Variants in STAU2 observed in about 807,000 individuals in gnomAD.
The protein encoded by STAU2 is staufen double-stranded RNA binding protein 2.
Under a neutral mutation model 65.9 loss-of-function variants are expected in STAU2, and 20 were observed. The ratio of observed to expected loss-of-function variants is 0.30; its 90% CI spans 0.21 to 0.44. The LOEUF is 0.44. Ranked by LOEUF, STAU2 falls within the 20% of genes least tolerant of loss-of-function variation. STAU2 has a pLI of 1.00. For missense variants in STAU2, 558 were observed against 683.9 expected (o/e 0.82, Z 2.05); for synonymous variants, 232 against 233.9 (o/e 0.99, Z 0.07).
intron 13 of STAU2, chr8:73,527,898 C>A: frequency 4.0e-5 from 2 of 50,490 alleles, no homozygotes; most frequent in Non-Finnish European, 6.6e-5. Flanking sequence ...TTTCACAGAA[C>A]ACACTTTAAA....
intron 3 of STAU2, chr8:73,727,766 T>C (rs1187409995): frequency 6.6e-6 from 1 of 152,224 alleles, no homozygotes; most frequent in East Asian, 1.9e-4. Context: ...GACAAGTCTA[T>C]GTGTTCCTTT....
intron 12 of STAU2, among the ~76,000 whole-genome samples, chr8:73,568,668 C>G (rs1163052600): frequency 6.6e-6 from 1 of 151,920 alleles, no homozygotes. Context: ...CAGAGGAGAA[C>G]AGAAAGTCTG....
At chr8:73,440,887 G>C (rs1255780231) in intron 13 of STAU2, 1 of 152,194 alleles carries the variant, frequency 6.6e-6, no homozygotes, top group Non-Finnish European at 1.5e-5. Context: ...CCCAGCCCAC[G>C]GATCATCGCC....
chr8:73,575,005 TAA>T (rs1809420242), intron 12 of STAU2, among the ~76,000 whole-genome samples: 3 of 150,968 alleles, frequency 2.0e-5, no homozygotes, highest in Non-Finnish European at 4.4e-5. Context: ...ACACATGCTA[TAA>T]AAGAAAAGAC....
At chr8:73,591,395 C>T (rs1326896600) in intron 11 of STAU2, among the ~76,000 whole-genome samples, 1 of 151,986 alleles carries the variant, frequency 6.6e-6, no homozygotes, top group Non-Finnish European at 1.5e-5. Context: ...TCAGTAAGTG[C>T]AAATGGTCTA....
rs535573971 is a variant in STAU2 at position 73,688,867 on chromosome 8, A to C, written c.115-54T>G. 5.5e-5 allele frequency: 87 copies of C among 1,582,564 alleles called. 3 individuals carry two copies. In the South Asian group the frequency reaches 8.9e-4, roughly 16 times the overall value. On this transcript the variant is annotated intron_variant, in intron 4 of 14. Transcript: ENST00000524300. ...ACATTAAGACTTTTCCAAGAAATAAAATTGGCTGTCTGAGAGAAAAATAAA... is the reference window on the plus strand; with the variant it reads ...ACATTAAGACTTTTCCAAGAAATAACATTGGCTGTCTGAGAGAAAAATAAA...
intron 13 of STAU2, among the ~76,000 whole-genome samples, chr8:73,535,037 A>AT (rs974822158): frequency 1.3e-5 from 2 of 152,218 alleles, no homozygotes; most frequent in South Asian, 2.1e-4. Flanking sequence ...ATGTATAAAG[A>AT]TTTTTTTGTG....
chr8:73,470,634 C>CA (rs35554370), intron 13 of STAU2, among the ~76,000 whole-genome samples: 1 of 143,542 alleles, frequency 7.0e-6, no homozygotes, highest in Non-Finnish European at 1.6e-5. Context: ...CCTGTCTCTA[C>CA]AAAAAAAATT....
chr8:73,681,175 A>G (rs1051123667), intron 5 of STAU2, among the ~76,000 whole-genome samples: 1 of 152,126 alleles, frequency 6.6e-6, no homozygotes, highest in African/African-American at 2.4e-5. Flanking sequence ...CAGGTTATCT[A>G]AAGTCAAGTC....
At chr8:73,542,983 G>T (rs1013933510) in intron 13 of STAU2, among the ~76,000 whole-genome samples, 1 of 152,154 alleles carries the variant, frequency 6.6e-6, no homozygotes, top group East Asian at 1.9e-4. Flanking sequence ...GTAAATCAAT[G>T]TTCATAAACA....
At chr8:73,622,605 ATCT>A (rs935856493) in intron 6 of STAU2, among the ~76,000 whole-genome samples, 1 of 152,178 alleles carries the variant, frequency 6.6e-6, no homozygotes, top group African/African-American at 2.4e-5. Flanking sequence ...AATCTGCTTT[ATCT>A]TCTTCCATTT....
intron 6 of STAU2, among the ~76,000 whole-genome samples, chr8:73,655,128 T>C (rs1235808692): frequency 4.6e-5 from 7 of 152,256 alleles, no homozygotes. Context: ...CAAACTTGAA[T>C]GCTTGTACCC....
chr8:73,682,070 T>C (rs1818470034), intron 5 of STAU2, among the ~76,000 whole-genome samples: 1 of 152,096 alleles, frequency 6.6e-6, no homozygotes, highest in Non-Finnish European at 1.5e-5. Context: ...GACAGGTCGT[T>C]AAGACAGAAA....
Position 73,709,024 on chromosome 8 carries a change from A to T in STAU2, c.114+8T>A. 6.6e-7 allele frequency: 1 copy of T among 1,515,510 alleles called. No homozygotes were observed. The highest frequency in any genetic ancestry group is 8.8e-7 in the Non-Finnish European group (1 of 1,137,820). The allele number at this position is 1,515,510 out of a possible 1,614,324, so 93.9% of individuals were successfully genotyped here. A position where few individuals can be genotyped will look rare whatever the true frequency, so the allele number is the denominator to read the frequency against. ...AGTATGTCTCACCACCTCTCTTCATAACCTTACCTTTGAATGAGCAGGCCC... is the reference window on the plus strand; with the variant it reads ...AGTATGTCTCACCACCTCTCTTCATTACCTTACCTTTGAATGAGCAGGCCC... On this transcript the variant is annotated splice_region_variant and intron_variant, in intron 4 of 14. Coordinates refer to ENST00000524300, the MANE Select transcript of STAU2 (RefSeq NM_001164380.2).
At chr8:73,740,481 T>A (rs746608885) in intron 1 of STAU2, among the ~76,000 whole-genome samples, 17 of 152,152 alleles carry the variant, frequency 1.1e-4, no homozygotes, top group Non-Finnish European at 2.5e-4. Context: ...ATATTTTCAA[T>A]TCAAAAAATG....
intron 4 of STAU2, among the ~76,000 whole-genome samples, chr8:73,693,180 T>A (rs566505377): frequency 1.1e-3 from 161 of 148,948 alleles, no homozygotes; most frequent in Middle Eastern, 3.8e-3. Context: ...TTTTTTAATT[T>A]AAAAAAAAGT....
At chr8:73,491,204 A>C (rs1821137649) in intron 13 of STAU2, among the ~76,000 whole-genome samples, 1 of 152,008 alleles carries the variant, frequency 6.6e-6, no homozygotes. Flanking sequence ...TTCATGCTGA[A>C]GTGAATGGAT....
chr8:73,531,080 G>C (rs1396157312), intron 13 of STAU2, among the ~76,000 whole-genome samples: 1 of 152,180 alleles, frequency 6.6e-6, no homozygotes, highest in Non-Finnish European at 1.5e-5. Flanking sequence ...TAGACGTAAA[G>C]TGTGCAGGAA....
At chr8:73,743,992 G>A (rs1050161092) in intron 1 of STAU2, among the ~76,000 whole-genome samples, 20 of 147,658 alleles carry the variant, frequency 1.4e-4, no homozygotes, top group Admixed American at 2.0e-4. Flanking sequence ...GGCTGGTCTC[G>A]AACTCCTGAC....
Sources: allele counts gnomAD v4.1 joint callset (sites outside exome capture counted in the v4.1 genomes callset), GRCh38; gene constraint gnomAD v4.1.1; transcripts MANE v1.5; gene names NCBI Gene and HGNC (gene_info 2026-07-23, HGNC 2026-07-21).